RAPGEF6: variants seen among roughly 807,000 people sequenced by gnomAD.
RAPGEF6 encodes Rap guanine nucleotide exchange factor 6, also known as PDZ domain containing guanine nucleotide exchange factor (GEF) 2.
A neutral mutation model predicts 171.4 loss-of-function variants in RAPGEF6; 56 were observed. The ratio of observed to expected loss-of-function variants is 0.33; its 90% CI spans 0.26 to 0.41. RAPGEF6 has a LOEUF of 0.41. Among genes scored for constraint, RAPGEF6 ranks in the 10% least tolerant of loss-of-function variants. The pLI is 1.00. For missense variants in RAPGEF6, 1,674 were observed against 1,921.4 expected (o/e 0.87, Z 2.41); for synonymous variants, 692 against 650.1 (o/e 1.06, Z -0.98).
At position 131,508,275 on chromosome 5, in the gene RAPGEF6, T is replaced by C. The variant is rs542723325; in HGVS notation, c.806-68A>G. On this transcript the variant is annotated intron_variant, in intron 8 of 27. Coordinates refer to ENST00000509018, the MANE Select transcript of RAPGEF6 (RefSeq NM_016340.6). ...TATACCTTAAAAATACAACGAAATC[T>C]AGAATTCAATTCCCAATTTCACAAT... is the stretch of plus-strand genomic sequence containing the variant. 285 of 1,382,182 alleles carry C rather than the reference T, an allele frequency of 2.1e-4. 1 individual carries two copies. In the East Asian group the frequency reaches 7.1e-3, roughly 34 times the overall value. The allele number at this position is 1,382,182 out of a possible 1,614,324, so 85.6% of individuals were successfully genotyped here. A position where few individuals can be genotyped will look rare whatever the true frequency, so the allele number is the denominator to read the frequency against.
intron 1 of RAPGEF6, among the ~76,000 whole-genome samples, chr5:131,632,926 A>G (rs560860116): frequency 2.6e-5 from 4 of 152,352 alleles, no homozygotes; most frequent in African/African-American, 9.6e-5. Flanking sequence ...GCAGCTGTTT[A>G]GCATTCCCTT....
Position 131,453,186 on chromosome 5 carries a change from T to C in RAPGEF6, c.3077-9A>G. The C allele has an allele frequency of 6.3e-7, 1 of 1,585,454 alleles. No homozygotes were observed. The highest frequency in any genetic ancestry group is 8.6e-7 in the Non-Finnish European group (1 of 1,163,024). On this transcript the variant is annotated splice_polypyrimidine_tract_variant and intron_variant, in intron 20 of 27. Coordinates refer to ENST00000509018, the MANE Select transcript of RAPGEF6 (RefSeq NM_016340.6). Reference sequence around the variant, plus strand: ...TACTTTGGAGTCATTTCCTATAGAATGAAAATAAATGTTTAAGTTCAAAAT... The same window carrying C: ...TACTTTGGAGTCATTTCCTATAGAACGAAAATAAATGTTTAAGTTCAAAAT...
intron 12 of RAPGEF6, 87 bp from the exon 13 acceptor site, chr5:131,495,747 G>A (rs1415092397): frequency 2.7e-6 from 4 of 1,488,964 alleles, no homozygotes; most frequent in Non-Finnish European, 3.6e-6. Context: ...TAAAACTCAT[G>A]AAGAACTGAC....
intron 20 of RAPGEF6, among the ~76,000 whole-genome samples, chr5:131,455,264 G>A (rs1440685940): frequency 6.6e-6 from 1 of 152,104 alleles, no homozygotes; most frequent in South Asian, 2.1e-4. Context: ...AAATGGAATT[G>A]TTTTTTATTT....
chr5:131,573,620 G>C (rs1019614284), intron 4 of RAPGEF6, among the ~76,000 whole-genome samples: 1 of 152,082 alleles, frequency 6.6e-6, no homozygotes, highest in African/African-American at 2.4e-5. Context: ...AGTTCCCCGA[G>C]AGGATTCCCA....
chr5:131,533,956 T>C (rs1759581578), intron 6 of RAPGEF6, among the ~76,000 whole-genome samples: 1 of 152,136 alleles, frequency 6.6e-6, no homozygotes. Flanking sequence ...CCATCCTTGT[T>C]CTTCATGCTT....
At chr5:131,513,886 G>T (rs1277173430) in intron 7 of RAPGEF6, among the ~76,000 whole-genome samples, 1 of 152,062 alleles carries the variant, frequency 6.6e-6, no homozygotes. Context: ...GCATTAGCCG[G>T]GTGTGGTGGC....
chr5:131,483,415 G>T (rs915194303), intron 15 of RAPGEF6, among the ~76,000 whole-genome samples: 12 of 150,962 alleles, frequency 7.9e-5, no homozygotes, highest in Non-Finnish European at 1.6e-4. Context: ...GCAAAAATTT[G>T]TGGAGCTTGT....
intron 6 of RAPGEF6, among the ~76,000 whole-genome samples, chr5:131,523,194 T>C (rs1758618242): frequency 6.6e-6 from 1 of 151,178 alleles, no homozygotes; most frequent in African/African-American, 2.4e-5. Flanking sequence ...CTTTAATATA[T>C]ACCAGGGGTT....
chr5:131,615,204 A>G (rs887339228), intron 1 of RAPGEF6, among the ~76,000 whole-genome samples: 1 of 152,216 alleles, frequency 6.6e-6, no homozygotes, highest in Admixed American at 6.5e-5. Context: ...AGTAAATCCT[A>G]GTCCCTTTCT....
At chr5:131,603,405 T>C (rs1764369759) in intron 2 of RAPGEF6, 78 bp from the exon 3 acceptor site, 1 of 908,320 alleles carries the variant, frequency 1.1e-6, no homozygotes, top group South Asian at 1.7e-5. Flanking sequence ...AACTAATTAT[T>C]ATAATCTAAT....
intron 1 of RAPGEF6, among the ~76,000 whole-genome samples, chr5:131,629,781 A>AG (rs1766183986): frequency 1.3e-5 from 2 of 151,554 alleles, no homozygotes; most frequent in South Asian, 2.1e-4. Flanking sequence ...AAAAAAGGAA[A>AG]GAAAAAAAAA....
intron 1 of RAPGEF6, among the ~76,000 whole-genome samples, chr5:131,608,068 C>T (rs774032824): frequency 1.3e-5 from 2 of 152,158 alleles, no homozygotes; most frequent in Non-Finnish European, 2.9e-5. Context: ...TTATTTTAGG[C>T]TGTCACAATT....
intron 5 of RAPGEF6, among the ~76,000 whole-genome samples, chr5:131,557,303 T>C (rs1277641821): frequency 6.6e-6 from 1 of 152,190 alleles, no homozygotes; most frequent in Admixed American, 6.5e-5. Context: ...TCCTACAACT[T>C]TTTTCAGATT....
intron 7 of RAPGEF6, among the ~76,000 whole-genome samples, chr5:131,512,270 G>A (rs576362046): frequency 2.2e-4 from 33 of 152,152 alleles, no homozygotes; most frequent in East Asian, 7.7e-4. Context: ...ACAGGCAGAC[G>A]GGGCAGACGT....
intron 22 of RAPGEF6, among the ~76,000 whole-genome samples, chr5:131,443,729 C>G (rs1359268360): frequency 3.9e-5 from 6 of 152,340 alleles, no homozygotes; most frequent in African/African-American, 1.4e-4. Flanking sequence ...TAGGCTTTAT[C>G]TTCTCTGTTC....
At chr5:131,571,844 A>G (rs1375649690) in intron 4 of RAPGEF6, among the ~76,000 whole-genome samples, 1 of 152,114 alleles carries the variant, frequency 6.6e-6, no homozygotes, top group Non-Finnish European at 1.5e-5. Context: ...CCATCGTGAC[A>G]TTCCCGCCAC....
At chr5:131,478,166 A>C in intron 16 of RAPGEF6, among the ~76,000 whole-genome samples, 1 of 152,328 alleles carries the variant, frequency 6.6e-6, no homozygotes, top group East Asian at 1.9e-4. Context: ...AAATTAAATG[A>C]GGAGAAAATG....
At chr5:131,568,959 G>C (rs886783453) in intron 4 of RAPGEF6, among the ~76,000 whole-genome samples, 1 of 151,928 alleles carries the variant, frequency 6.6e-6, no homozygotes, top group African/African-American at 2.4e-5. Flanking sequence ...ATATGAAAAT[G>C]AAATTAAGAT....
Sources: allele counts gnomAD v4.1 joint callset (sites outside exome capture counted in the v4.1 genomes callset), GRCh38; gene constraint gnomAD v4.1.1; transcripts MANE v1.5; gene names NCBI Gene and HGNC (gene_info 2026-07-23, HGNC 2026-07-21).